MEGF9: variants seen among roughly 807,000 people sequenced by gnomAD.
The protein encoded by MEGF9 is multiple epidermal growth factor-like domains protein 9.
Under a neutral mutation model 46.8 loss-of-function variants are expected in MEGF9, and 6 were observed. The ratio of observed to expected loss-of-function variants is 0.13; its 90% CI spans 0.07 to 0.25. The LOEUF is 0.25. Ranked by LOEUF, MEGF9 falls within the 10% of genes least tolerant of loss-of-function variation. The pLI is 1.00. For synonymous variants in MEGF9, 302 were observed against 330.7 expected, an observed-to-expected ratio of 0.91 and a Z score of 0.94; for missense variants, 683 against 792.4, an observed-to-expected ratio of 0.86 and a Z score of 1.66.
chr9:120,632,336 GTT>G (rs34449214), intron 2 of MEGF9, among the ~76,000 whole-genome samples: 5,391 of 132,962 alleles, frequency 0.041, 222 homozygotes, highest in African/African-American at 0.11. Context: ...ATTCCTAAGT[GTT>G]TTTTTTTTTT....
At chr9:120,683,456 T>C (rs927114026) in intron 1 of MEGF9, among the ~76,000 whole-genome samples, 2 of 152,170 alleles carry the variant, frequency 1.3e-5, no homozygotes, top group African/African-American at 4.8e-5. Context: ...CTTCTAGTGA[T>C]AGTGAGTGAG....
intron 2 of MEGF9, among the ~76,000 whole-genome samples, chr9:120,628,686 A>AGT (rs1269427601): frequency 6.6e-6 from 1 of 152,090 alleles, no homozygotes; most frequent in African/African-American, 2.4e-5. Flanking sequence ...TATAATGGAC[A>AGT]GTGAGCTTAC....
intron 1 of MEGF9, among the ~76,000 whole-genome samples, chr9:120,660,456 T>C (rs1241181266): frequency 6.6e-6 from 1 of 152,218 alleles, no homozygotes; most frequent in African/African-American, 2.4e-5. Context: ...TTACTGTCCA[T>C]AAATTACTAA....
intron 2 of MEGF9, among the ~76,000 whole-genome samples, chr9:120,647,027 G>A (rs1263684821): frequency 6.6e-6 from 1 of 151,954 alleles, no homozygotes; most frequent in Non-Finnish European, 1.5e-5. Context: ...TTAATAAAAT[G>A]AAATAAGTAG....
intron 2 of MEGF9, among the ~76,000 whole-genome samples, chr9:120,652,499 A>C (rs1471422866): frequency 1.3e-5 from 2 of 148,488 alleles, no homozygotes; most frequent in African/African-American, 2.5e-5. Flanking sequence ...AAAAAAAAAA[A>C]AAAACAGAAA....
chr9:120,674,361 C>A (rs147634347), intron 1 of MEGF9, among the ~76,000 whole-genome samples: 265 of 152,142 alleles, frequency 1.7e-3, no homozygotes, highest in African/African-American at 6.0e-3. Context: ...GATATATGTA[C>A]GACAAATAAG....
Position 120,714,470 on chromosome 9 carries a change from T to C in MEGF9, c.-112A>G. On this transcript the variant is annotated 5_prime_UTR_variant, in exon 1 of 6. Coordinates refer to ENST00000373930, the MANE Select transcript of MEGF9 (RefSeq NM_001080497.3). ...CGGGCGCACCATCGCCACCTCCCTC[T>C]GACAGGCGGCCGGCCCCGCGGGCGG... is the stretch of plus-strand genomic sequence containing the variant. 1.0e-6 allele frequency: 1 copy of C among 958,830 alleles called. No individual in the cohort carries two copies. Among genetic ancestry groups the C allele is most frequent in the African/African-American group, 1.7e-5 (1 of 58,068 alleles). 59.4% of individuals were successfully genotyped at this position (958,830 alleles called of 1,614,324 possible).
chr9:120,624,703 G>A (rs549702904), intron 2 of MEGF9, among the ~76,000 whole-genome samples: 2 of 152,012 alleles, frequency 1.3e-5, no homozygotes, highest in African/African-American at 4.8e-5. Flanking sequence ...GTGAAACCCC[G>A]TCTCTACCAA....
chr9:120,624,684 G>A (rs1351569169), intron 2 of MEGF9, among the ~76,000 whole-genome samples: 1 of 152,002 alleles, frequency 6.6e-6, no homozygotes, highest in Non-Finnish European at 1.5e-5. Flanking sequence ...GATCAGCCTG[G>A]CCAACATGGT....
chr9:120,656,562 A>AAC (rs1284561013), intron 2 of MEGF9, among the ~76,000 whole-genome samples: 1 of 151,164 alleles, frequency 6.6e-6, no homozygotes, highest in East Asian at 1.9e-4. Flanking sequence ...AAAAAAAAAA[A>AAC]AAAAAGATTA....
intron 2 of MEGF9, among the ~76,000 whole-genome samples, chr9:120,658,216 G>A (rs1320280211): frequency 6.6e-6 from 1 of 152,018 alleles, no homozygotes; most frequent in Non-Finnish European, 1.5e-5. Flanking sequence ...AGAACTCCTG[G>A]CCTCAAGTGA....
chr9:120,670,351 C>A (rs1292788180), intron 1 of MEGF9, among the ~76,000 whole-genome samples: 1 of 152,184 alleles, frequency 6.6e-6, no homozygotes, highest in African/African-American at 2.4e-5. Context: ...CCCACCTCAG[C>A]CTCCTAAAGT....
intron 3 of MEGF9, 74 bp from the exon 4 acceptor site, chr9:120,612,613 G>A (rs1159725368): frequency 5.2e-6 from 7 of 1,336,862 alleles, no homozygotes; most frequent in African/African-American, 1.5e-5. Flanking sequence ...AATCATGCCT[G>A]CAACAAAAAG....
At chr9:120,701,904 G>A (rs2043906930) in intron 1 of MEGF9, among the ~76,000 whole-genome samples, 1 of 152,074 alleles carries the variant, frequency 6.6e-6, no homozygotes, top group African/African-American at 2.4e-5. Context: ...TTAGCCAGGT[G>A]TGGTGGCCGG....
rs766066253 is a variant in MEGF9 at position 120,605,491 on chromosome 9, G to C, written c.1508C>G (p.Ser503Ter). 6.2e-7 allele frequency: 1 copy of C among 1,613,888 alleles called. No individual in the cohort carries two copies. The highest frequency in any genetic ancestry group is 1.3e-5 in the African/African-American group (1 of 74,922). Residue 503 changes from serine (S) to a stop codon, truncating the protein, a stop_gained, in exon 6 of 6, where the codon TCA becomes TGA. Transcript: ENST00000373930. LOFTEE classifies it high-confidence loss of function. The surrounding 1 kb of genome is among the most constrained non-coding windows in gnomAD (Gnocchi z 4.0). ...GGTCCATGATACATCAGCTAAAGCT[G>C]AAGTGCTGTTTTCAGAAGTGCTTAC... Reference protein sequence around the residue: ...FSVSTSENSTSALADVSWTQF... With the variant: ...FSVSTSENST
rs1289403185 is a variant in MEGF9 at position 120,714,302 on chromosome 9, G to A, written c.57C>T (p.Ala19=). 7.5e-6 allele frequency: 10 copies of A among 1,335,872 alleles called. No individual in the cohort carries two copies. The Admixed American group carries it at 1.0e-4, about 14-fold the overall frequency. The allele number at this position is 1,335,872 out of a possible 1,614,324, so 82.8% of individuals were successfully genotyped here. The part of the protein sequence containing the change: ...MRSLPSLGGL[A]LLCCAAAAAA... ...CGGCGGCGGCGGCGCAGCACAACAG[G>A]GCGAGGCCGCCCAGGCTCGGCAGGC... The change falls in exon 1 of 6, where the codon GCC becomes GCT. Residue 19 remains alanine (A), a synonymous_variant. Coordinates refer to ENST00000373930, the MANE Select transcript of MEGF9 (RefSeq NM_001080497.3).
intron 1 of MEGF9, among the ~76,000 whole-genome samples, chr9:120,660,583 T>C (rs574294736): frequency 8.8e-4 from 134 of 152,316 alleles, no homozygotes; most frequent in Non-Finnish European, 1.5e-3. Context: ...CCCTGTCCAC[T>C]ATTCTTCGCA....
intron 1 of MEGF9, among the ~76,000 whole-genome samples, chr9:120,680,758 G>A (rs2043795286): frequency 6.6e-6 from 1 of 152,086 alleles, no homozygotes; most frequent in East Asian, 1.9e-4. Flanking sequence ...ACAATACAAA[G>A]TCCTTCTCAC....
intron 3 of MEGF9, among the ~76,000 whole-genome samples, chr9:120,612,877 G>A (rs2043455038): frequency 6.7e-6 from 1 of 149,904 alleles, no homozygotes; most frequent in South Asian, 2.1e-4. Context: ...GATAAATTGT[G>A]GCATTTTCAT....
Sources: allele counts gnomAD v4.1 joint callset (sites outside exome capture counted in the v4.1 genomes callset), GRCh38; gene constraint gnomAD v4.1.1; non-coding constraint Gnocchi (gnomAD v3.1); transcripts MANE v1.5; gene names NCBI Gene and HGNC (gene_info 2026-07-23, HGNC 2026-07-21).